RPS6KA5: variants seen among roughly 807,000 people sequenced by gnomAD.
RPS6KA5 encodes ribosomal protein S6 kinase A5.
Under a neutral mutation model 85.5 loss-of-function variants are expected in RPS6KA5, and 27 were observed. That is an observed-to-expected ratio of 0.32 (90% CI 0.23 to 0.44). RPS6KA5 has a LOEUF of 0.44. Among genes scored for constraint, RPS6KA5 ranks in the 20% least tolerant of loss-of-function variants. The pLI is 1.00. For missense variants in RPS6KA5, 811 were observed against 980.9 expected, an observed-to-expected ratio of 0.83 and a Z score of 2.31; for synonymous variants, 334 against 348.2, an observed-to-expected ratio of 0.96 and a Z score of 0.46.
At chr14:90,995,890 G>A (rs2140553032) in intron 2 of RPS6KA5, among the ~76,000 whole-genome samples, 1 of 152,260 alleles carries the variant, frequency 6.6e-6, no homozygotes, top group East Asian at 1.9e-4. Context: ...AGCCAGCCTG[G>A]GCAACATAAC....
chr14:90,891,046 G>A (rs191278535), intron 13 of RPS6KA5, among the ~76,000 whole-genome samples: 1 of 151,830 alleles, frequency 6.6e-6, no homozygotes, highest in African/African-American at 2.4e-5. Flanking sequence ...AAGTTAAAAC[G>A]TTTAATATTT....
In RPS6KA5 at chr14:90,879,779, TA is replaced by T. The variant is rs1172763486; in HGVS notation, c.1837-4420del. 2.8e-3 allele frequency among the ~76,000 whole-genome samples: 343 copies of T among 123,100 alleles called. 4 individuals are homozygous for T. Among genetic ancestry groups the T allele is most frequent in the African/African-American group, 0.01 (272 of 26,852 alleles). The allele number at this position is 123,100 out of a possible 152,430, so 80.8% of individuals were successfully genotyped here. ...AATAGAATATCTTTCTCTCCACTCCTAATTTTTTTTTTTTTTTTTTTGAGTT... is the reference window on the plus strand; with the variant it reads ...AATAGAATATCTTTCTCTCCACTCCTATTTTTTTTTTTTTTTTTTTGAGTT... On this transcript the variant is annotated intron_variant, in intron 14 of 16. Coordinates refer to ENST00000614987, the MANE Select transcript of RPS6KA5 (RefSeq NM_004755.4).
At chr14:91,002,364 A>G (rs1486631309) in intron 1 of RPS6KA5, among the ~76,000 whole-genome samples, 1 of 152,178 alleles carries the variant, frequency 6.6e-6, no homozygotes, top group Admixed American at 6.5e-5. Context: ...TCAACATACA[A>G]TTCTTTCAAA....
At chr14:91,022,774 A>G (rs1436421155) in intron 1 of RPS6KA5, among the ~76,000 whole-genome samples, 1 of 152,180 alleles carries the variant, frequency 6.6e-6, no homozygotes, top group Non-Finnish European at 1.5e-5. Context: ...ACAAATATAT[A>G]TTCAATATAA....
At chr14:90,880,489 T>A (rs2033764173) in intron 14 of RPS6KA5, among the ~76,000 whole-genome samples, 1 of 152,380 alleles carries the variant, frequency 6.6e-6, no homozygotes, top group Middle Eastern at 3.4e-3. Flanking sequence ...TTCCAGTGTA[T>A]GTATACAGCA....
At chr14:91,038,586 G>A (rs977053391) in intron 1 of RPS6KA5, among the ~76,000 whole-genome samples, 2 of 152,214 alleles carry the variant, frequency 1.3e-5, no homozygotes, top group African/African-American at 4.8e-5. Context: ...TGATGGCAGT[G>A]ATGCAACAAG....
At chr14:91,011,207 G>A (rs538143575) in intron 1 of RPS6KA5, among the ~76,000 whole-genome samples, 10 of 152,246 alleles carry the variant, frequency 6.6e-5, no homozygotes, top group Admixed American at 6.5e-4. Context: ...TAAAAAACAG[G>A]CCAGGCACGG....
intron 3 of RPS6KA5, among the ~76,000 whole-genome samples, chr14:90,953,912 G>A (rs2038362660): frequency 6.6e-6 from 1 of 152,194 alleles, no homozygotes; most frequent in Admixed American, 6.5e-5. Context: ...CAGTAGTTCT[G>A]AGTTTGCCCT....
Position 90,953,004 on chromosome 14 carries a change from T to C in RPS6KA5, c.395-5454A>G, listed in dbSNP as rs2038289409. ...TTTCTCTGTTTAATCGGCTTGTTTT[T>C]AGTGTGCTGGACCAGTCAAAGAATC... On this transcript the variant is annotated intron_variant, in intron 3 of 16. Coordinates refer to ENST00000614987, the MANE Select transcript of RPS6KA5 (RefSeq NM_004755.4). Among the ~76,000 whole-genome samples, 3 of 152,196 alleles carry C rather than the reference T, an allele frequency of 2.0e-5. No homozygotes were observed. In the South Asian group the frequency reaches 6.2e-4, roughly 31 times the overall value.
chr14:90,891,239 T>C (rs896288750), intron 13 of RPS6KA5, among the ~76,000 whole-genome samples: 1 of 150,894 alleles, frequency 6.6e-6, no homozygotes, highest in African/African-American at 2.4e-5. Flanking sequence ...CATGTGTTCA[T>C]TGAACAAAGT....
chr14:90,939,548 G>A (rs2037459684), intron 5 of RPS6KA5, among the ~76,000 whole-genome samples: 1 of 152,212 alleles, frequency 6.6e-6, no homozygotes, highest in African/African-American at 2.4e-5. Flanking sequence ...GTTCCATGTG[G>A]ATGGGGGAGG....
rs1395245725 is a variant in RPS6KA5 at position 90,857,928 on chromosome 14, A to G, written c.*14146T>C. 2.0e-5 allele frequency: 3 copies of G among 152,182 alleles called. No individual in the cohort carries two copies. Among genetic ancestry groups the G allele is most frequent in the African/African-American group, 7.2e-5 (3 of 41,442 alleles). The allele number at this position is 152,182 out of a possible 1,614,324, so 9.4% of individuals were successfully genotyped here. A position where few individuals can be genotyped will look rare whatever the true frequency, so the allele number is the denominator to read the frequency against. The stretch of plus-strand genomic sequence containing the variant: ...TCAAAAACTATTTAATGGACAAAGG[A>G]ACAAATGAATAAACCGGGTGCCTTC... On this transcript the variant is annotated 3_prime_UTR_variant, in exon 17 of 17. Coordinates refer to ENST00000614987, the MANE Select transcript of RPS6KA5 (RefSeq NM_004755.4).
chr14:90,882,540 C>T (rs1000625486), intron 14 of RPS6KA5, among the ~76,000 whole-genome samples: 11 of 152,198 alleles, frequency 7.2e-5, no homozygotes, highest in African/African-American at 2.7e-4. Context: ...CTCCCTTGAG[C>T]ATTTCTTACA....
chr14:90,920,693 A>G (rs1595218677), intron 6 of RPS6KA5, among the ~76,000 whole-genome samples: 1 of 151,960 alleles, frequency 6.6e-6, no homozygotes, highest in African/African-American at 2.4e-5. Context: ...ATGAAAAAAA[A>G]AACCACATCC....
chr14:90,966,715 A>G (rs1468516776), intron 3 of RPS6KA5, among the ~76,000 whole-genome samples: 2 of 152,250 alleles, frequency 1.3e-5, no homozygotes, highest in Non-Finnish European at 2.9e-5. Context: ...GTCTAGCCCT[A>G]TCGAATACAA....
intron 1 of RPS6KA5, among the ~76,000 whole-genome samples, chr14:91,040,762 T>C (rs1008905324): frequency 1.1e-4 from 16 of 152,096 alleles, no homozygotes; most frequent in African/African-American, 3.6e-4. Context: ...AAGAACCAGG[T>C]AGAAGAGCAC....
At position 90,861,997 on chromosome 14, in the gene RPS6KA5, A is replaced by C. The variant is rs953946517; in HGVS notation, c.*10077T>G. The C allele has an allele frequency of 3.3e-5, 5 of 152,192 alleles. No homozygotes were observed. The highest frequency in any genetic ancestry group is 1.2e-4 in the African/African-American group (5 of 41,458). The allele number at this position is 152,192 out of a possible 1,614,324, so 9.4% of individuals were successfully genotyped here. On this transcript the variant is annotated 3_prime_UTR_variant, in exon 17 of 17. Coordinates refer to ENST00000614987, the MANE Select transcript of RPS6KA5 (RefSeq NM_004755.4). ...ATTTAAGGCAGCAAGTCAAAGATAC[A>C]AGCTGTAATCTTTAAGGTACTAAAT...
chr14:91,026,837 T>C (rs866775852), intron 1 of RPS6KA5, among the ~76,000 whole-genome samples: 1 of 152,214 alleles, frequency 6.6e-6, no homozygotes, highest in African/African-American at 2.4e-5. Context: ...TGGTGTGAGA[T>C]GGCATCTGTG....
intron 3 of RPS6KA5, among the ~76,000 whole-genome samples, chr14:90,961,798 GGCTGTTTTCTCAAAAAA>G (rs1183476585): frequency 6.6e-6 from 1 of 151,956 alleles, no homozygotes; most frequent in Non-Finnish European, 1.5e-5. Flanking sequence ...GTGAACCCTG[GGCTGTTTTCTCAAAAAA>G]AGTACTGTAC....
Sources: allele counts gnomAD v4.1 joint callset (sites outside exome capture counted in the v4.1 genomes callset), GRCh38; gene constraint gnomAD v4.1.1; transcripts MANE v1.5; gene names NCBI Gene and HGNC (gene_info 2026-07-23, HGNC 2026-07-21).